The following GPHN variants were observed in gnomAD, a reference collection of about 807,000 sequenced individuals.
GPHN encodes the protein gephyrin.
A neutral mutation model predicts 95.5 loss-of-function variants in GPHN; 17 were observed. That is an observed-to-expected ratio of 0.18 (90% CI 0.12 to 0.27). The LOEUF (loss-of-function observed/expected upper bound fraction) is 0.27. Ranked by LOEUF, GPHN falls within the 10% of genes least tolerant of loss-of-function variation. GPHN has a pLI of 1.00. For missense variants in GPHN, 660 were observed against 978.1 expected (o/e 0.67, Z 4.34); for synonymous variants, 320 against 322.5 (o/e 0.99, Z 0.08).
chr14:67,665,149 G>A, the GPHN span, among the ~76,000 whole-genome samples: 497 of 152,248 alleles, frequency 3.3e-3, 17 homozygotes, highest in East Asian at 0.081. Flanking sequence ...TAGTGCACCC[G>A]GCCAAGCCCT....
chr14:66,611,070 A>T (rs971589403), intron 1 of GPHN, among the ~76,000 whole-genome samples: 6 of 152,190 alleles, frequency 3.9e-5, no homozygotes, highest in Admixed American at 3.9e-4. Context: ...AATAATCTTC[A>T]TCAGTTATAA....
chr14:66,771,806 A>G (rs897615368), intron 2 of GPHN, among the ~76,000 whole-genome samples: 1 of 140,134 alleles, frequency 7.1e-6, no homozygotes. Context: ...ATTCGCACCT[A>G]TGAGTGAGAA....
chr14:67,037,558 G>A (rs762833240), intron 10 of GPHN, among the ~76,000 whole-genome samples: 8 of 151,708 alleles, frequency 5.3e-5, no homozygotes, highest in Non-Finnish European at 8.8e-5. Context: ...CTGATAAGGG[G>A]TTAATATCCA....
chr14:67,040,893 G>A (rs1028445197), intron 10 of GPHN, among the ~76,000 whole-genome samples: 23 of 152,118 alleles, frequency 1.5e-4, no homozygotes, highest in Admixed American at 1.2e-3. Context: ...GGGTGTCTGC[G>A]AGATTTCTCC....
the GPHN span, among the ~76,000 whole-genome samples, chr14:67,548,639 G>A: frequency 1.3e-5 from 2 of 152,210 alleles, no homozygotes; most frequent in South Asian, 4.1e-4. Flanking sequence ...AGAGGTTGCG[G>A]TGAGCCAAGA....
At chr14:66,626,144 A>C (rs2063518433) in intron 1 of GPHN, among the ~76,000 whole-genome samples, 2 of 152,178 alleles carry the variant, frequency 1.3e-5, no homozygotes, top group Admixed American at 1.3e-4. Context: ...GTTTTTCATA[A>C]GGTGCTTCTC....
chr14:66,987,313 T>C (rs2071092514), intron 9 of GPHN, among the ~76,000 whole-genome samples: 1 of 151,990 alleles, frequency 6.6e-6, no homozygotes, highest in Admixed American at 6.6e-5. Context: ...TTACTGAAGG[T>C]GAAATAAAGA....
chr14:66,981,091 G>T (rs1407983259), intron 9 of GPHN, among the ~76,000 whole-genome samples: 1 of 152,086 alleles, frequency 6.6e-6, no homozygotes, highest in Non-Finnish European at 1.5e-5. Context: ...TGGCAGAGGG[G>T]TTTAGAGGAT....
chr14:67,273,343 A>G, the GPHN span, among the ~76,000 whole-genome samples: 56 of 151,820 alleles, frequency 3.7e-4, no homozygotes, highest in East Asian at 4.1e-3. Flanking sequence ...TCATTTTTCA[A>G]TTCCCACCTA....
At chr14:66,706,571 C>T (rs752886958) in intron 2 of GPHN, among the ~76,000 whole-genome samples, 1 of 152,110 alleles carries the variant, frequency 6.6e-6, no homozygotes, top group Non-Finnish European at 1.5e-5. Flanking sequence ...GAAAGGACTC[C>T]CTATTTAATA....
intron 4 of GPHN, among the ~76,000 whole-genome samples, chr14:66,857,291 A>C (rs998145072): frequency 2.0e-5 from 3 of 152,226 alleles, no homozygotes; most frequent in African/African-American, 4.8e-5. Context: ...AATGACTATA[A>C]AGTTTACAGA....
chr14:67,435,544 G>A, the GPHN span, among the ~76,000 whole-genome samples: 1 of 152,234 alleles, frequency 6.6e-6, no homozygotes, highest in Non-Finnish European at 1.5e-5. Flanking sequence ...AAAGTCATTG[G>A]AGTGTTGTAA....
the GPHN span, chr14:67,663,312 G>C: frequency 1.6e-6 from 1 of 639,166 alleles, no homozygotes; most frequent in Non-Finnish European, 2.6e-6. Flanking sequence ...ATGATAGCAA[G>C]TTTCATTTTT....
intron 11 of GPHN, among the ~76,000 whole-genome samples, chr14:67,077,282 T>C (rs1322522877): frequency 6.6e-6 from 1 of 152,272 alleles, no homozygotes; most frequent in African/African-American, 2.4e-5. Context: ...TGTTATAAAA[T>C]AGGCTTTGTG....
At chr14:67,657,474 C>T in the GPHN span, among the ~76,000 whole-genome samples, 11 of 152,278 alleles carry the variant, frequency 7.2e-5, no homozygotes, top group African/African-American at 1.9e-4. Context: ...AGTTTTACTC[C>T]ACCTGTAATC....
In GPHN at chr14:67,181,558, A is replaced by T; in HGVS notation, c.*621A>T. On this transcript the variant is annotated 3_prime_UTR_variant, in exon 23 of 23. Coordinates refer to ENST00000478722, the MANE Select transcript of GPHN (RefSeq NM_020806.5). ...CAGTAACTGGACACCTTTTATTTGA[A>T]GAAACAAACTGAAGAAAAAATGCTT... 1 of 463,716 alleles carries T rather than the reference A, an allele frequency of 2.2e-6. No individual in the cohort carries two copies. The highest frequency in any genetic ancestry group is 1.8e-5 in the South Asian group (1 of 57,138). 28.7% of individuals were successfully genotyped at this position (463,716 alleles called of 1,614,324 possible). A position where few individuals can be genotyped will look rare whatever the true frequency, so the allele number is the denominator to read the frequency against.
the GPHN span, among the ~76,000 whole-genome samples, chr14:67,732,717 C>T: frequency 4.4e-3 from 669 of 152,132 alleles, 35 homozygotes; most frequent in East Asian, 0.1. Flanking sequence ...GCTGGGATTA[C>T]GGGTGCCCAC....
intron 19 of GPHN, among the ~76,000 whole-genome samples, chr14:67,162,630 A>G (rs941748888): frequency 2.0e-5 from 3 of 152,230 alleles, no homozygotes; most frequent in Non-Finnish European, 4.4e-5. Flanking sequence ...CTTTGAAATT[A>G]TTTGCATCAC....
intron 8 of GPHN, among the ~76,000 whole-genome samples, chr14:66,928,774 C>T (rs1596400032): frequency 6.6e-6 from 1 of 152,172 alleles, no homozygotes; most frequent in East Asian, 1.9e-4. Context: ...CTTCAGTGAC[C>T]CACTGGTCTT....
Sources: gnomAD v4.1 joint callset for allele counts (sites outside exome capture counted in the v4.1 genomes callset) on GRCh38, gnomAD v4.1.1 for gene constraint, MANE v1.5 for transcripts, NCBI Gene and HGNC (gene_info 2026-07-23, HGNC 2026-07-21) for gene names.